The following UBE2E2 variants were observed in gnomAD, a reference collection of about 807,000 sequenced individuals.
UBE2E2 encodes ubiquitin-conjugating enzyme E2 E2.
UBE2E2 carries 6 observed loss-of-function variants against 24.7 expected under a neutral mutation model. The observed-to-expected ratio is 0.24, with a 90% confidence interval of 0.13 to 0.48. The LOEUF is 0.48. Among genes scored for constraint, UBE2E2 ranks in the 20% least tolerant of loss-of-function variants. The pLI, the probability that UBE2E2 is intolerant of heterozygous loss-of-function variation, is 0.99. For missense variants in UBE2E2, 169 were observed against 245.0 expected, an observed-to-expected ratio of 0.69 and a Z score of 2.07; for synonymous variants, 104 against 83.6, an observed-to-expected ratio of 1.24 and a Z score of -1.33.
intron 3 of UBE2E2, among the ~76,000 whole-genome samples, chr3:23,345,706 A>T (rs1019293064): frequency 6.6e-6 from 1 of 152,230 alleles, no homozygotes; most frequent in African/African-American, 2.4e-5. Context: ...CACTAAATAG[A>T]TAAATTGATT....
chr3:23,274,115 C>T (rs1698320564), intron 3 of UBE2E2, among the ~76,000 whole-genome samples: 1 of 152,130 alleles, frequency 6.6e-6, no homozygotes, highest in Non-Finnish European at 1.5e-5. Flanking sequence ...CTATGAATTA[C>T]TGTGCTGTTG....
intron 3 of UBE2E2, among the ~76,000 whole-genome samples, chr3:23,498,059 A>G (rs1242472637): frequency 6.6e-6 from 1 of 152,134 alleles, no homozygotes; most frequent in Non-Finnish European, 1.5e-5. Flanking sequence ...CATTTTTCAT[A>G]TGATTATTGG....
rs1017982810 is a variant in UBE2E2 at position 23,450,791 on chromosome 3, T to A, written c.228-48817T>A. ...ACTTTTTCATTTTATTTCTTTTTAA[T>A]GAGAATATAAAACACCTTACATTAG... On this transcript the variant is annotated intron_variant, in intron 3 of 5. Transcript: ENST00000396703. 2.0e-5 allele frequency among the ~76,000 whole-genome samples: 3 copies of A among 152,304 alleles called. No individual in the cohort carries two copies. The South Asian group carries it at 6.2e-4, about 32-fold the overall frequency.
At chr3:23,285,494 A>G (rs963492671) in intron 3 of UBE2E2, among the ~76,000 whole-genome samples, 1 of 152,210 alleles carries the variant, frequency 6.6e-6, no homozygotes, top group Non-Finnish European at 1.5e-5. Flanking sequence ...TCCCACCAAC[A>G]GTGTACAAGG....
intron 4 of UBE2E2, 53 bp downstream of exon 4, chr3:23,499,793 A>T: frequency 6.3e-7 from 1 of 1,575,804 alleles, no homozygotes; most frequent in Non-Finnish European, 8.6e-7. Context: ...ATTTCTAGAT[A>T]CATATACTTA....
At chr3:23,218,583 CAT>C (rs1377050870) in intron 3 of UBE2E2, among the ~76,000 whole-genome samples, 1 of 151,838 alleles carries the variant, frequency 6.6e-6, no homozygotes, top group African/African-American at 2.4e-5. Context: ...TAATATATTA[CAT>C]ATATTATTTT....
In UBE2E2 at chr3:23,208,732, T is replaced by C. The variant is rs1203669435; in HGVS notation, c.33T>C (p.Ser11=). The C allele has an allele frequency of 1.9e-6, 3 of 1,613,138 alleles. No individual in the cohort carries two copies. Among genetic ancestry groups the C allele is most frequent in the Non-Finnish European group, 2.5e-6 (3 of 1,179,578 alleles). The change falls in exon 2 of 6, where the codon AGT becomes AGC. Residue 11 remains serine (S), a synonymous_variant. Coordinates refer to ENST00000396703, the MANE Select transcript of UBE2E2 (RefSeq NM_152653.4). The part of the protein sequence containing the change: MSTEAQRVDD[S]PSTSGGSSDG... ...CTGAGGCACAAAGAGTTGATGACAG[T>C]CCAAGCACTAGTGGAGGAAGTTCCG...
intron 3 of UBE2E2, among the ~76,000 whole-genome samples, chr3:23,360,395 AAT>A (rs2125330648): frequency 6.6e-6 from 1 of 152,324 alleles, no homozygotes; most frequent in East Asian, 1.9e-4. Flanking sequence ...AACAGTACTG[AAT>A]GCTGTGGATA....
At chr3:23,555,159 C>T (rs553049476) in intron 5 of UBE2E2, among the ~76,000 whole-genome samples, 1 of 152,218 alleles carries the variant, frequency 6.6e-6, no homozygotes, top group African/African-American at 2.4e-5. Flanking sequence ...TCATGTGATC[C>T]ACCCGCCTCG....
At chr3:23,399,428 A>T (rs1418804890) in intron 3 of UBE2E2, among the ~76,000 whole-genome samples, 1 of 152,170 alleles carries the variant, frequency 6.6e-6, no homozygotes. Flanking sequence ...GGGCAAGGGG[A>T]TGATTTACGT....
intron 3 of UBE2E2, among the ~76,000 whole-genome samples, chr3:23,249,832 A>G (rs926138129): frequency 6.6e-6 from 1 of 151,746 alleles, no homozygotes; most frequent in Non-Finnish European, 1.5e-5. Flanking sequence ...ATTTTTTTGT[A>G]TTTTTAGTAG....
At chr3:23,560,645 G>A (rs1205659226) in intron 5 of UBE2E2, among the ~76,000 whole-genome samples, 1 of 152,022 alleles carries the variant, frequency 6.6e-6, no homozygotes, top group Non-Finnish European at 1.5e-5. Flanking sequence ...TCGCCACACT[G>A]ACTTCCACAA....
intron 3 of UBE2E2, chr3:23,449,793 A>G: frequency 1.1e-6 from 1 of 876,508 alleles, no homozygotes; most frequent in East Asian, 1.2e-4. Flanking sequence ...CAGTGTTTTT[A>G]ATATCTCAAC....
chr3:23,485,928 A>G (rs1320669165), intron 3 of UBE2E2, among the ~76,000 whole-genome samples: 1 of 152,188 alleles, frequency 6.6e-6, no homozygotes, highest in Non-Finnish European at 1.5e-5. Flanking sequence ...GGTGAGCCCT[A>G]CTAGTTTCTT....
chr3:23,233,034 C>T (rs548200206), intron 3 of UBE2E2, among the ~76,000 whole-genome samples: 61 of 152,054 alleles, frequency 4.0e-4, no homozygotes, highest in Non-Finnish European at 6.3e-4. Context: ...AGTTAGCAGG[C>T]GAATGTAGCC....
intron 3 of UBE2E2, among the ~76,000 whole-genome samples, chr3:23,255,500 G>A (rs1488391579): frequency 6.6e-6 from 1 of 152,142 alleles, no homozygotes; most frequent in East Asian, 1.9e-4. Flanking sequence ...ATGATTTGCT[G>A]TGTCAACAGA....
At chr3:23,458,317 T>G (rs1195271992) in intron 3 of UBE2E2, among the ~76,000 whole-genome samples, 2 of 148,912 alleles carry the variant, frequency 1.3e-5, no homozygotes, top group African/African-American at 5.0e-5. Context: ...GTTTGCCATC[T>G]TCTATGGGTG....
intron 3 of UBE2E2, among the ~76,000 whole-genome samples, chr3:23,345,049 A>T (rs1269188949): frequency 2.0e-5 from 3 of 152,162 alleles, no homozygotes; most frequent in African/African-American, 7.2e-5. Context: ...GGAGGAAACG[A>T]ATTTTGCCCT....
chr3:23,485,016 A>AT (rs1383991421), intron 3 of UBE2E2, among the ~76,000 whole-genome samples: 1 of 151,084 alleles, frequency 6.6e-6, no homozygotes, highest in African/African-American at 2.4e-5. Context: ...TATAGCTAGT[A>AT]TTTTAGTCCT....
Sources: allele counts gnomAD v4.1 joint callset (sites outside exome capture counted in the v4.1 genomes callset), GRCh38; gene constraint gnomAD v4.1.1; transcripts MANE v1.5; gene names NCBI Gene and HGNC (gene_info 2026-07-23, HGNC 2026-07-21).